The following PROM1 variants were observed in gnomAD, a reference collection of about 807,000 sequenced individuals.
The protein encoded by PROM1 is prominin 1.
Under a neutral mutation model 116.9 loss-of-function variants are expected in PROM1, and 105 were observed. The ratio of observed to expected loss-of-function variants is 0.90; its 90% confidence interval spans 0.77 to 1.06. The LOEUF (loss-of-function observed/expected upper bound fraction) is 1.06, where lower values mean the gene tolerates loss of function less well. Among genes scored for constraint, PROM1 ranks in the 50% least tolerant of loss-of-function variants. The pLI is 0.00. For missense variants in PROM1, 1,122 were observed against 1,045.2 expected (o/e 1.07, Z -1.01); for synonymous variants, 393 against 387.0 (o/e 1.02, Z -0.18).
intron 3 of PROM1, among the ~76,000 whole-genome samples, chr4:16,037,740 C>T (rs150805757): frequency 5.9e-5 from 9 of 152,268 alleles, no homozygotes; most frequent in African/African-American, 1.9e-4. Context: ...ATTTTTATTA[C>T]CTTACATTCA....
intron 27 of PROM1, among the ~76,000 whole-genome samples, chr4:15,970,324 C>A (rs1241214175): frequency 6.6e-6 from 1 of 151,430 alleles, no homozygotes; most frequent in Non-Finnish European, 1.5e-5. Context: ...ATTACAGGGG[C>A]CCCCCACCAC....
chr4:16,015,814 A>G (rs1451799585), intron 10 of PROM1, among the ~76,000 whole-genome samples: 2 of 152,080 alleles, frequency 1.3e-5, no homozygotes, highest in African/African-American at 4.8e-5. Context: ...TAAGAGCAAA[A>G]AGAAAACCAG....
In PROM1 at chr4:16,000,505, T is replaced by G. The variant is rs769133658; in HGVS notation, c.1569A>C (p.Glu523Asp). 3.0e-5 allele frequency: 48 copies of G among 1,590,600 alleles called. No individual in the cohort carries two copies. The highest frequency in any genetic ancestry group is 4.0e-5 in the Non-Finnish European group (46 of 1,160,650). Residue 523 changes from glutamate (E) to aspartate (D), a missense_variant, in exon 14 of 28, where the codon GAA becomes GAC. Physicochemically the swap from Glu to Asp is conservative, Grantham distance 45. Coordinates refer to ENST00000447510, the MANE Select transcript of PROM1 (RefSeq NM_006017.3). ...KLICEPYTSKELFRVLDTPYL... is the reference protein window; with the variant it reads ...KLICEPYTSKDLFRVLDTPYL... ...AGAAAATCATATTTACCCGGAATAA[T>G]TCCTTGCTCGTGTAAGGTTCACAGA... is the stretch of plus-strand genomic sequence containing the variant.
chr4:16,028,512 G>C (rs6858590), intron 5 of PROM1, among the ~76,000 whole-genome samples: 1 of 152,090 alleles, frequency 6.6e-6, no homozygotes, highest in South Asian at 2.1e-4. Context: ...ATACTATGCA[G>C]ACCAACTGAT....
At chr4:15,997,226 A>G (rs1311042621) in intron 15 of PROM1, among the ~76,000 whole-genome samples, 2 of 150,768 alleles carry the variant, frequency 1.3e-5, no homozygotes, top group African/African-American at 4.9e-5. Flanking sequence ...AAACATATAT[A>G]TATATATGAA....
intron 2 of PROM1, among the ~76,000 whole-genome samples, chr4:16,046,870 G>A (rs1013966100): frequency 6.6e-6 from 1 of 152,162 alleles, no homozygotes; most frequent in African/African-American, 2.4e-5. Flanking sequence ...ATTCTTCGGT[G>A]ACTAGAATAG....
At chr4:16,063,420 AC>A (rs1477632012) in intron 2 of PROM1, among the ~76,000 whole-genome samples, 2 of 151,846 alleles carry the variant, frequency 1.3e-5, no homozygotes, top group Non-Finnish European at 2.9e-5. Flanking sequence ...ACATGGTAAA[AC>A]CCCGCTTCTA....
At chr4:15,970,331 C>T (rs780360549) in intron 27 of PROM1, among the ~76,000 whole-genome samples, 1 of 151,606 alleles carries the variant, frequency 6.6e-6, no homozygotes, top group Non-Finnish European at 1.5e-5. Flanking sequence ...GGGCCCCCCA[C>T]CACACCCGGC....
At chr4:15,969,718 G>T (rs13145116) in intron 27 of PROM1, among the ~76,000 whole-genome samples, 32,598 of 151,938 alleles carry the variant, frequency 0.21, 4,289 homozygotes, top group Admixed American at 0.29. Flanking sequence ...TGGGACTACA[G>T]GCACCTGCCA....
chr4:15,974,322 G>A (rs772389200), intron 26 of PROM1, among the ~76,000 whole-genome samples: 9 of 152,134 alleles, frequency 5.9e-5, no homozygotes, highest in South Asian at 2.1e-4. Context: ...CCAGGCTTAC[G>A]TAGGTTTATA....
intron 1 of PROM1, chr4:16,080,053 G>A (rs964982846): frequency 7.3e-6 from 1 of 137,284 alleles, no homozygotes; most frequent in Non-Finnish European, 1.6e-5. Flanking sequence ...ATTAGCAAAC[G>A]TAGTGGTGCA....
intron 23 of PROM1, among the ~76,000 whole-genome samples, chr4:15,983,758 T>C (rs1718567374): frequency 6.6e-6 from 1 of 152,108 alleles, no homozygotes; most frequent in East Asian, 1.9e-4. Context: ...TAGATAGCAA[T>C]GGGAAGCCAC....
At chr4:16,012,405 C>T (rs1327458183) in intron 11 of PROM1, among the ~76,000 whole-genome samples, 5 of 152,162 alleles carry the variant, frequency 3.3e-5, no homozygotes, top group African/African-American at 9.7e-5. Flanking sequence ...ATCCCATAAC[C>T]CAAATACAGC....
At chr4:15,972,988 C>A (rs552510822) in intron 26 of PROM1, among the ~76,000 whole-genome samples, 1 of 152,224 alleles carries the variant, frequency 6.6e-6, no homozygotes, top group South Asian at 2.1e-4. Flanking sequence ...AAGGTCCTGG[C>A]CCCCGAAGAA....
intron 4 of PROM1, 77 bp from the exon 5 acceptor site, chr4:16,033,586 C>CTTT (rs60492380): frequency 0.083 from 22,307 of 269,356 alleles, 163 homozygotes; most frequent in South Asian, 0.12. Flanking sequence ...GTACAAAGTT[C>CTTT]TTTTTTTTTT....
chr4:16,019,492 T>G (rs1250276836), intron 8 of PROM1, among the ~76,000 whole-genome samples: 2 of 152,198 alleles, frequency 1.3e-5, no homozygotes, highest in Non-Finnish European at 2.9e-5. Context: ...CACCATGGGT[T>G]TATTGGGATG....
At position 15,980,466 on chromosome 4, in the gene PROM1, C is replaced by T. The variant is rs780837948; in HGVS notation, c.2445G>A (p.Leu815=). ...AATCCATTCGACGATAGTACTTAGC[C>T]AGTTTTACCGCAAAAATTAGAGCCG... ...LLPALIFAVK[L]AKYYRRMDSE... is the part of the protein sequence containing the mutation. Residue 815 remains leucine (L), a synonymous_variant, in exon 24 of 28, where the codon CTG becomes CTA. Transcript: ENST00000447510. The T allele has an allele frequency of 1.3e-6, 2 of 1,556,932 alleles. No homozygotes were observed. The highest frequency in any genetic ancestry group is 2.4e-5 in the South Asian group (2 of 84,328).
rs1745527474 is a variant in PROM1, at chr4:16,083,985, G to A, written c.-220C>T. The stretch of plus-strand genomic sequence containing the variant: ...TTCCTTAAACATACTCACCGCGGCG[G>A]GAGAGCTGAGAGCATGGCCAGGTGC... On this transcript the variant is annotated 5_prime_UTR_variant, in exon 1 of 28. Coordinates refer to ENST00000447510, the MANE Select transcript of PROM1 (RefSeq NM_006017.3). 1 of 152,332 alleles carries A rather than the reference G, an allele frequency of 6.6e-6. No homozygotes were observed. Among genetic ancestry groups the A allele is most frequent in the African/African-American group, 2.4e-5 (1 of 41,472 alleles). The allele number at this position is 152,332 out of a possible 1,614,324, so 9.4% of individuals were successfully genotyped here. A position where few individuals can be genotyped will look rare whatever the true frequency, so the allele number is the denominator to read the frequency against.
chr4:16,033,586 C>CATTTTT, intron 4 of PROM1, 77 bp from the exon 5 acceptor site: 1 of 270,270 alleles, frequency 3.7e-6, no homozygotes, highest in Non-Finnish European at 6.0e-6. Context: ...GTACAAAGTT[C>CATTTTT]TTTTTTTTTT....
Sources: gnomAD v4.1 joint callset for allele counts (sites outside exome capture counted in the v4.1 genomes callset) on GRCh38, gnomAD v4.1.1 for gene constraint, MANE v1.5 for transcripts, NCBI Gene and HGNC (gene_info 2026-07-23, HGNC 2026-07-21) for gene names.